Variants in ASIC2 observed in about 807,000 individuals in gnomAD.
ASIC2 encodes the protein acid-sensing ion channel 2.
In ASIC2, 25 loss-of-function variants were observed where a neutral mutation model predicts 57.3. The observed-to-expected ratio is 0.44, with a 90% CI of 0.32 to 0.61. The LOEUF is 0.61. Ranked by LOEUF, ASIC2 falls within the 20% of genes least tolerant of loss-of-function variation. The pLI is 0.06. For synonymous variants in ASIC2, 319 were observed against 307.5 expected, an observed-to-expected ratio of 1.04 and a Z score of -0.39; for missense variants, 641 against 738.1, an observed-to-expected ratio of 0.87 and a Z score of 1.52.
chr17:34,135,204 C>A (rs541479068), intron 1 of ASIC2, among the ~76,000 whole-genome samples: 1 of 152,364 alleles, frequency 6.6e-6, no homozygotes, highest in South Asian at 2.1e-4. Flanking sequence ...CCAGCGATGG[C>A]CTGGTCAGCC....
intron 1 of ASIC2, among the ~76,000 whole-genome samples, chr17:33,221,759 T>A (rs1907697974): frequency 6.6e-6 from 1 of 152,246 alleles, no homozygotes. Flanking sequence ...AAGATACTTT[T>A]TTTTTCTGAA....
At chr17:33,017,783 C>T in intron 7 of ASIC2, 99 bp from the exon 8 acceptor site, 1 of 1,106,744 alleles carries the variant, frequency 9.0e-7, no homozygotes, top group Non-Finnish European at 1.3e-6. Flanking sequence ...ATGGCGCCCC[C>T]TCCATGGGGA....
At chr17:33,281,558 C>G (rs1904950964) in intron 1 of ASIC2, among the ~76,000 whole-genome samples, 1 of 152,190 alleles carries the variant, frequency 6.6e-6, no homozygotes, top group Non-Finnish European at 1.5e-5. Context: ...TTTGAAACAG[C>G]CCTACACGAA....
chr17:33,525,948 C>T (rs533568647), intron 1 of ASIC2, among the ~76,000 whole-genome samples: 28 of 152,298 alleles, frequency 1.8e-4, no homozygotes, highest in African/African-American at 6.0e-4. Context: ...TATCTTTCCA[C>T]TCGTGGGTAT....
intron 1 of ASIC2, among the ~76,000 whole-genome samples, chr17:33,458,721 A>ATCT: frequency 6.6e-6 from 1 of 152,322 alleles, no homozygotes; most frequent in African/African-American, 2.4e-5. Context: ...GACTTTCTCT[A>ATCT]TCTGGGCTTC....
At chr17:33,127,697 C>T (rs2092329410) in intron 1 of ASIC2, among the ~76,000 whole-genome samples, 4 of 152,292 alleles carry the variant, frequency 2.6e-5, no homozygotes, top group Admixed American at 2.0e-4. Context: ...TCAGTCCTGC[C>T]TACCTTCAGC....
At chr17:33,882,729 T>C (rs530295065) in intron 1 of ASIC2, among the ~76,000 whole-genome samples, 1 of 152,262 alleles carries the variant, frequency 6.6e-6, no homozygotes, top group Admixed American at 6.5e-5. Flanking sequence ...GAACTAGAAA[T>C]ACCATTTGAC....
intron 1 of ASIC2, among the ~76,000 whole-genome samples, chr17:33,910,048 A>G (rs1915428551): frequency 6.6e-6 from 1 of 152,200 alleles, no homozygotes; most frequent in South Asian, 2.1e-4. Context: ...TATGAGTGTT[A>G]AATGAGTGAA....
chr17:33,696,430 T>A (rs945422823), intron 1 of ASIC2, among the ~76,000 whole-genome samples: 1 of 152,218 alleles, frequency 6.6e-6, no homozygotes, highest in African/African-American at 2.4e-5. Context: ...TGTTTGACAC[T>A]TAAAGGGCTG....
At chr17:33,334,671 G>T (rs957960147) in intron 1 of ASIC2, among the ~76,000 whole-genome samples, 1 of 152,196 alleles carries the variant, frequency 6.6e-6, no homozygotes, top group African/African-American at 2.4e-5. Context: ...ATTGGTCAGG[G>T]TTATTTAGAA....
At chr17:33,188,774 C>T (rs1165737727) in intron 1 of ASIC2, among the ~76,000 whole-genome samples, 1 of 151,546 alleles carries the variant, frequency 6.6e-6, no homozygotes, top group Non-Finnish European at 1.5e-5. Flanking sequence ...GAATTCATCA[C>T]CAGAAAACAA....
chr17:33,464,540 CTCTTTCTT>C (rs778336588), intron 1 of ASIC2, among the ~76,000 whole-genome samples: 1 of 49,368 alleles, frequency 2.0e-5, no homozygotes, highest in African/African-American at 8.0e-5. Context: ...TTCTTTCTTT[CTCTTTCTT>C]TCTTTCTTTC....
chr17:33,486,792 CCACTTCT>C (rs1322088318), intron 1 of ASIC2, among the ~76,000 whole-genome samples: 1 of 152,180 alleles, frequency 6.6e-6, no homozygotes, highest in Non-Finnish European at 1.5e-5. Flanking sequence ...GCTGTTCCTC[CCACTTCT>C]CACTGGCCAG....
rs147405598 is a variant in ASIC2 at position 34,138,425 on chromosome 17, G to C, written c.555+17553C>G. ...CCACTCCCACTGAGGAGGGTCTGCT[G>C]CATGAATTCCCTGGAGATCCACACA... is the stretch of plus-strand genomic sequence containing the variant. On this transcript the variant is annotated intron_variant, in intron 1 of 9. Coordinates refer to the ASIC2 transcript ENST00000359872. 1.4e-3 allele frequency among the ~76,000 whole-genome samples: 204 copies of C among 148,610 alleles called. 2 individuals are homozygous for C. Among genetic ancestry groups the C allele is most frequent in the African/African-American group, 4.7e-3 (190 of 40,182 alleles).
chr17:33,198,367 AC>A (rs1295688290), intron 1 of ASIC2, among the ~76,000 whole-genome samples: 8 of 152,222 alleles, frequency 5.3e-5, no homozygotes, highest in Non-Finnish European at 8.8e-5. Context: ...AAAACAAAAA[AC>A]AAACCTAACA....
intron 3 of ASIC2, among the ~76,000 whole-genome samples, chr17:33,048,734 C>T (rs1417490604): frequency 2.0e-5 from 3 of 152,124 alleles, no homozygotes; most frequent in Non-Finnish European, 4.4e-5. Context: ...CTCCCTGGGT[C>T]CTGTGGGCCC....
rs187972325 is a variant in ASIC2 at position 34,147,084 on chromosome 17, C to T, written c.555+8894G>A. On this transcript the variant is annotated intron_variant, in intron 1 of 9. Transcript: ENST00000359872. ...ATAAATAGATCTGGTGGCAAATGAG[C>T]AGCAACTCCTCCCCACTCCCAACAT... 5 of 152,276 alleles carry T rather than the reference C, an allele frequency of 3.3e-5. No homozygotes were observed. The East Asian group carries it at 9.6e-4, about 29-fold the overall frequency. 9.4% of individuals were successfully genotyped at this position (152,276 alleles called of 1,614,324 possible).
chr17:33,425,498 A>T (rs1174659049), intron 1 of ASIC2, among the ~76,000 whole-genome samples: 2 of 152,188 alleles, frequency 1.3e-5, no homozygotes, highest in East Asian at 3.8e-4. Context: ...GATTGGTTTC[A>T]AGGATCATTG....
intron 1 of ASIC2, among the ~76,000 whole-genome samples, chr17:33,635,640 G>A (rs1429986007): frequency 6.6e-6 from 1 of 152,188 alleles, no homozygotes; most frequent in African/African-American, 2.4e-5. Flanking sequence ...AATAAACAGA[G>A]CGATGAGGAG....
Sources: gnomAD v4.1 joint callset for allele counts (sites outside exome capture counted in the v4.1 genomes callset) on GRCh38, gnomAD v4.1.1 for gene constraint, MANE v1.5 for transcripts, NCBI Gene and HGNC (gene_info 2026-07-23, HGNC 2026-07-21) for gene names.